The following ATXN7L1 variants were observed in gnomAD, a reference collection of about 807,000 sequenced individuals.
The protein encoded by ATXN7L1 is ataxin-7-like protein 1.
A neutral mutation model predicts 70.8 loss-of-function variants in ATXN7L1; 15 were observed. The ratio of observed to expected loss-of-function variants is 0.21; its 90% CI spans 0.14 to 0.33. ATXN7L1 has a LOEUF of 0.33. ATXN7L1 is among the 10% of genes least tolerant of loss of function. The probability of loss-of-function intolerance (pLI) is 1.00; values close to 1 mark genes in which losing one functional copy is unlikely to be tolerated. For synonymous variants in ATXN7L1, 440 were observed against 445.1 expected (o/e 0.99, Z 0.14); for missense variants, 975 against 1,097.1 (o/e 0.89, Z 1.57).
chr7:105,793,532 G>A (rs1389549170), intron 2 of ATXN7L1, among the ~76,000 whole-genome samples: 2 of 152,206 alleles, frequency 1.3e-5, no homozygotes. Context: ...TCTGACTGCA[G>A]AACTTCATGT....
chr7:105,622,384 T>C (rs577879261), intron 8 of ATXN7L1, among the ~76,000 whole-genome samples: 226 of 152,320 alleles, frequency 1.5e-3, no homozygotes, highest in Non-Finnish European at 2.5e-3. Flanking sequence ...TTGCTACCTG[T>C]GTATCTGATT....
chr7:105,757,053 C>T (rs930283134), intron 3 of ATXN7L1, among the ~76,000 whole-genome samples: 2 of 152,152 alleles, frequency 1.3e-5, no homozygotes, highest in South Asian at 2.1e-4. Flanking sequence ...ATACTACCTT[C>T]AAAACCATCA....
At chr7:105,872,989 C>A (rs1340717762) in intron 2 of ATXN7L1, among the ~76,000 whole-genome samples, 1 of 152,024 alleles carries the variant, frequency 6.6e-6, no homozygotes, top group East Asian at 1.9e-4. Flanking sequence ...CCCATCTCTA[C>A]TAAAAATTCA....
At chr7:105,713,597 G>C (rs1469304695) in intron 3 of ATXN7L1, among the ~76,000 whole-genome samples, 1 of 152,238 alleles carries the variant, frequency 6.6e-6, no homozygotes, top group African/African-American at 2.4e-5. Flanking sequence ...AGGGCCTGAG[G>C]CCCTTAAACT....
At chr7:105,816,413 T>TG (rs1179545221) in intron 2 of ATXN7L1, among the ~76,000 whole-genome samples, 3 of 151,996 alleles carry the variant, frequency 2.0e-5, no homozygotes, top group Non-Finnish European at 4.4e-5. Context: ...ATAGGCGAAA[T>TG]GGGGTGACAG....
chr7:105,670,961 C>A (rs1562981391), intron 3 of ATXN7L1, among the ~76,000 whole-genome samples: 1 of 152,028 alleles, frequency 6.6e-6, no homozygotes, highest in Non-Finnish European at 1.5e-5. Context: ...AAAAAATTAG[C>A]CCGGCGAGGT....
chr7:105,708,939 C>T (rs1264399268), intron 3 of ATXN7L1, among the ~76,000 whole-genome samples: 1 of 152,210 alleles, frequency 6.6e-6, no homozygotes, highest in African/African-American at 2.4e-5. Context: ...GAGTAGTGCC[C>T]TAGAGCAGTG....
At chr7:105,869,588 T>G (rs1817950698) in intron 2 of ATXN7L1, among the ~76,000 whole-genome samples, 1 of 152,196 alleles carries the variant, frequency 6.6e-6, no homozygotes. Context: ...CACCCTCCTA[T>G]ATTCCAGCCC....
At chr7:105,739,797 C>T (rs927212201) in intron 3 of ATXN7L1, among the ~76,000 whole-genome samples, 3 of 152,120 alleles carry the variant, frequency 2.0e-5, no homozygotes, top group Non-Finnish European at 4.4e-5. Flanking sequence ...GCCGCCTGGC[C>T]CTGGTATTGG....
At chr7:105,786,730 G>A (rs1208810368) in intron 3 of ATXN7L1, among the ~76,000 whole-genome samples, 1 of 151,906 alleles carries the variant, frequency 6.6e-6, no homozygotes, top group African/African-American at 2.4e-5. Flanking sequence ...GCCCAGGCTG[G>A]TCTCAAACTC....
chr7:105,716,648 G>A (rs1293591628), intron 3 of ATXN7L1, among the ~76,000 whole-genome samples: 1 of 145,230 alleles, frequency 6.9e-6, no homozygotes, highest in East Asian at 2.0e-4. Context: ...TGGGCAACAT[G>A]GCGAAAACCT....
intron 2 of ATXN7L1, among the ~76,000 whole-genome samples, chr7:105,793,000 T>C (rs1027040407): frequency 6.6e-6 from 1 of 152,246 alleles, no homozygotes; most frequent in African/African-American, 2.4e-5. Flanking sequence ...AAGGCAACTA[T>C]AGTAAAGTAA....
chr7:105,682,173 C>T (rs936210476), intron 3 of ATXN7L1, among the ~76,000 whole-genome samples: 2 of 151,882 alleles, frequency 1.3e-5, no homozygotes, highest in Non-Finnish European at 2.9e-5. Context: ...TGCAGTAAGC[C>T]GAGATCACTG....
intron 2 of ATXN7L1, among the ~76,000 whole-genome samples, chr7:105,817,597 A>C (rs1372004356): frequency 6.6e-6 from 1 of 152,108 alleles, no homozygotes; most frequent in East Asian, 1.9e-4. Context: ...AAGAAACAGA[A>C]GGACAAAGCA....
At chr7:105,656,983 T>A (rs556197191) in intron 4 of ATXN7L1, among the ~76,000 whole-genome samples, 1 of 152,318 alleles carries the variant, frequency 6.6e-6, no homozygotes, top group South Asian at 2.1e-4. Context: ...CAGCCTGAAC[T>A]CTAGAGTAGT....
intron 2 of ATXN7L1, among the ~76,000 whole-genome samples, chr7:105,794,113 AT>A (rs1805658773): frequency 1.3e-5 from 2 of 152,270 alleles, no homozygotes; most frequent in Admixed American, 1.3e-4. Context: ...CATTTAAAAA[AT>A]GCTCATTCAG....
chr7:105,696,795 T>G (rs939314170), intron 3 of ATXN7L1, among the ~76,000 whole-genome samples: 1 of 152,182 alleles, frequency 6.6e-6, no homozygotes, highest in South Asian at 2.1e-4. Context: ...AGGATGAAGC[T>G]GGGTAATGGG....
At chr7:105,696,198 A>C (rs1791679340) in intron 3 of ATXN7L1, among the ~76,000 whole-genome samples, 1 of 152,156 alleles carries the variant, frequency 6.6e-6, no homozygotes, top group African/African-American at 2.4e-5. Flanking sequence ...AGACTAATGA[A>C]ATCTATGTGC....
At chr7:105,617,763 C>A (rs1422006321) in intron 9 of ATXN7L1, 6 of 359,856 alleles carry the variant, frequency 1.7e-5, no homozygotes, top group Non-Finnish European at 3.3e-5. Flanking sequence ...ACCTCCCCTG[C>A]CAGGTGGCAT....
Sources: allele counts gnomAD v4.1 joint callset (sites outside exome capture counted in the v4.1 genomes callset), GRCh38; gene constraint gnomAD v4.1.1; transcripts MANE v1.5; gene names NCBI Gene and HGNC (gene_info 2026-07-23, HGNC 2026-07-21).